The following FAT3 variants were observed in gnomAD, a reference collection of about 807,000 sequenced individuals.
FAT3 encodes FAT atypical cadherin 3.
A neutral mutation model predicts 310.2 loss-of-function variants in FAT3; 95 were observed. That is an observed-to-expected ratio of 0.31 (90% CI 0.26 to 0.36). FAT3 has a LOEUF of 0.36. Ranked by LOEUF, FAT3 falls within the 10% of genes least tolerant of loss-of-function variation. The pLI, the probability that FAT3 is intolerant of heterozygous loss-of-function variation, is 1.00. For missense variants in FAT3, 5,408 were observed against 5,715.6 expected (o/e 0.95, Z 1.74); for synonymous variants, 2,314 against 2,192.9 (o/e 1.06, Z -1.54).
At chr11:92,532,947 T>C (rs1189646144) in intron 3 of FAT3, among the ~76,000 whole-genome samples, 1 of 152,184 alleles carries the variant, frequency 6.6e-6, no homozygotes, top group Non-Finnish European at 1.5e-5. Flanking sequence ...TCTGAGGTGT[T>C]GGCATCCATA....
At chr11:92,660,017 C>T (rs1942723743) in intron 3 of FAT3, among the ~76,000 whole-genome samples, 1 of 152,100 alleles carries the variant, frequency 6.6e-6, no homozygotes, top group Non-Finnish European at 1.5e-5. Context: ...CTGTACATTC[C>T]AGGCAGCATA....
intron 3 of FAT3, among the ~76,000 whole-genome samples, chr11:92,564,009 A>G (rs1246600114): frequency 6.6e-6 from 1 of 152,096 alleles, no homozygotes; most frequent in Non-Finnish European, 1.5e-5. Flanking sequence ...TAACATCATA[A>G]TGACAAGATC....
intron 2 of FAT3, among the ~76,000 whole-genome samples, chr11:92,514,239 T>C (rs1953402793): frequency 6.6e-6 from 1 of 152,198 alleles, no homozygotes; most frequent in South Asian, 2.1e-4. Context: ...TGTATCTACT[T>C]ATTCATTTAA....
intron 4 of FAT3, among the ~76,000 whole-genome samples, chr11:92,739,238 C>T (rs1021385719): frequency 2.0e-5 from 3 of 152,156 alleles, no homozygotes; most frequent in Non-Finnish European, 4.4e-5. Flanking sequence ...ACATCTTTGC[C>T]AAGTAGCCTT....
intron 1 of FAT3, among the ~76,000 whole-genome samples, chr11:92,315,300 G>A (rs1178759079): frequency 6.7e-6 from 1 of 148,892 alleles, no homozygotes; most frequent in Non-Finnish European, 1.5e-5. Context: ...GTTATTTGTT[G>A]AGAGACACTT....
intron 3 of FAT3, among the ~76,000 whole-genome samples, chr11:92,656,993 G>A (rs1942604145): frequency 1.3e-5 from 2 of 152,158 alleles, no homozygotes; most frequent in Admixed American, 1.3e-4. Context: ...GTGGGGTGGG[G>A]AGAAACAGCT....
At position 92,353,164 on chromosome 11, in the gene FAT3, G is replaced by A; in HGVS notation, c.1052G>A (p.Gly351Glu). The change falls in exon 2 of 28, where the codon GGA (glycine) becomes GAA (glutamate). Residue 351 changes from glycine (G) to glutamate (E), a missense_variant. Physicochemically the swap from Gly to Glu is moderately conservative, Grantham distance 98. Around this residue, in one of 5 missense-constraint regions of FAT3, gnomAD observed 4,588 missense variants for 4,809.8 expected, o/e 0.95. Transcript: ENST00000525166. Reference sequence around the variant, plus strand: ...CTCACTCTTCAAGCAAAAGACAAGGGATCTCCTCAAAAATGTTCAGCATTA... The same window carrying A: ...CTCACTCTTCAAGCAAAAGACAAGGAATCTCCTCAAAAATGTTCAGCATTA... Reference protein sequence around the residue: ...YNLTLQAKDKGSPQKCSALKA... With the variant: ...YNLTLQAKDKESPQKCSALKA... 1 of 1,613,590 alleles carries A rather than the reference G, an allele frequency of 6.2e-7. No individual in the cohort carries two copies. The highest frequency in any genetic ancestry group is 8.5e-7 in the Non-Finnish European group (1 of 1,179,824).
At chr11:92,724,605 C>T (rs1944948291) in intron 4 of FAT3, among the ~76,000 whole-genome samples, 1 of 152,178 alleles carries the variant, frequency 6.6e-6, no homozygotes, top group African/African-American at 2.4e-5. Context: ...CAGTTTATCC[C>T]TTCCGTTTAA....
At chr11:92,251,476 A>C (rs1412601647) in intron 1 of FAT3, among the ~76,000 whole-genome samples, 1 of 152,168 alleles carries the variant, frequency 6.6e-6, no homozygotes, top group Admixed American at 6.6e-5. Flanking sequence ...TGATGAAGTT[A>C]CTGAAATAAA....
At chr11:92,823,147 G>T (rs1369153111) in intron 13 of FAT3, among the ~76,000 whole-genome samples, 1 of 152,156 alleles carries the variant, frequency 6.6e-6, no homozygotes, top group Non-Finnish European at 1.5e-5. Context: ...CATGCAGCAG[G>T]AGTTAAGTAT....
chr11:92,485,393 A>G (rs183434752), intron 2 of FAT3, among the ~76,000 whole-genome samples: 29 of 152,322 alleles, frequency 1.9e-4, no homozygotes, highest in Admixed American at 1.7e-3. Context: ...CGCCCTGAAC[A>G]AAGTCTGGAA....
chr11:92,403,575 G>A (rs1216718347), intron 2 of FAT3, among the ~76,000 whole-genome samples: 3 of 152,160 alleles, frequency 2.0e-5, no homozygotes, highest in Non-Finnish European at 4.4e-5. Flanking sequence ...TTTGAGGTAG[G>A]CCTTAAAATT....
intron 3 of FAT3, among the ~76,000 whole-genome samples, chr11:92,605,319 C>G (rs1429400267): frequency 2.6e-5 from 4 of 152,328 alleles, no homozygotes; most frequent in South Asian, 2.1e-4. Context: ...CATGATGGAG[C>G]CTCACCCTGG....
chr11:92,346,386 T>C (rs10501779), intron 1 of FAT3, among the ~76,000 whole-genome samples: 1 of 151,958 alleles, frequency 6.6e-6, no homozygotes, highest in Non-Finnish European at 1.5e-5. Context: ...CACACGGGAA[T>C]TGGAATCAAT....
chr11:92,881,311 T>C (rs908212071), intron 23 of FAT3, among the ~76,000 whole-genome samples: 2 of 152,298 alleles, frequency 1.3e-5, no homozygotes, highest in African/African-American at 4.8e-5. Flanking sequence ...TGCAAACCTT[T>C]CTTTCATAAG....
At chr11:92,801,948 T>C in intron 10 of FAT3, 39 bp downstream of exon 10, 1 of 1,552,938 alleles carries the variant, frequency 6.4e-7, no homozygotes. Flanking sequence ...GTGCACTGCT[T>C]TATAAAGAAA....
intron 23 of FAT3, among the ~76,000 whole-genome samples, 153 bp from the exon 24 acceptor site, chr11:92,882,585 T>TC (rs58520864): frequency 0.33 from 31,163 of 93,274 alleles, 5,146 homozygotes; most frequent in Middle Eastern, 0.4. Flanking sequence ...TAACTCCCCC[T>TC]CCCCCCCCCC....
chr11:92,482,441 T>A (rs895919278), intron 2 of FAT3, among the ~76,000 whole-genome samples: 1 of 152,142 alleles, frequency 6.6e-6, no homozygotes, highest in African/African-American at 2.4e-5. Flanking sequence ...ATTTTTTATG[T>A]TTCTCCATTT....
At chr11:92,822,256 G>A (rs909881309) in intron 13 of FAT3, among the ~76,000 whole-genome samples, 1 of 151,810 alleles carries the variant, frequency 6.6e-6, no homozygotes, top group African/African-American at 2.4e-5. Flanking sequence ...GATCATAGTG[G>A]TTCTTTCGCA....
Sources: allele counts gnomAD v4.1 joint callset (sites outside exome capture counted in the v4.1 genomes callset), GRCh38; gene constraint gnomAD v4.1.1; regional missense constraint gnomAD v4.1.1; transcripts MANE v1.5; gene names NCBI Gene and HGNC (gene_info 2026-07-23, HGNC 2026-07-21).